CCSER1: variants seen among roughly 807,000 people sequenced by gnomAD.
CCSER1 encodes serine-rich coiled-coil domain-containing protein 1.
Under a neutral mutation model 82.0 loss-of-function variants are expected in CCSER1, and 41 were observed. The observed-to-expected ratio is 0.50, with a 90% CI of 0.39 to 0.65. The LOEUF (loss-of-function observed/expected upper bound fraction) is 0.65, where lower values mean the gene tolerates loss of function less well. CCSER1 is among the 30% of genes least tolerant of loss of function. The probability of loss-of-function intolerance (pLI) is 0.00; values close to 1 mark genes in which losing one functional copy is unlikely to be tolerated. For synonymous variants in CCSER1, 414 were observed against 383.9 expected, an observed-to-expected ratio of 1.08 and a Z score of -0.92; for missense variants, 1,119 against 1,064.2, an observed-to-expected ratio of 1.05 and a Z score of -0.72.
chr4:91,358,919 A>G (rs72880827), intron 10 of CCSER1, among the ~76,000 whole-genome samples: 49,574 of 151,880 alleles, frequency 0.33, 8,891 homozygotes, highest in African/African-American at 0.46. Context: ...TCAGCTATCC[A>G]TCAGTCACCT....
chr4:91,111,825 A>G (rs1245916058), intron 10 of CCSER1, among the ~76,000 whole-genome samples: 1 of 151,352 alleles, frequency 6.6e-6, no homozygotes, highest in Non-Finnish European at 1.5e-5. Flanking sequence ...AGAGAAAAAG[A>G]GAGAAAGAAG....
intron 10 of CCSER1, among the ~76,000 whole-genome samples, chr4:91,442,290 C>T (rs1335376763): frequency 6.6e-6 from 1 of 152,012 alleles, no homozygotes; most frequent in Admixed American, 6.6e-5. Context: ...ATCAATGGAA[C>T]AGAACAGAGC....
intron 7 of CCSER1, chr4:90,725,009 C>T (rs1418532282): frequency 2.3e-6 from 1 of 441,068 alleles, no homozygotes. Context: ...TAATGAGAGT[C>T]AAATATTTGT....
At position 91,482,955 on chromosome 4, in the gene CCSER1, G is replaced by C. The variant is rs915238041; in HGVS notation, c.2218-115617G>C. ...ACCAGGGCCTGTTGTGGGGTGGGGG[G>C]AGCGGGGAGGGATAGCATTAGGAGA... is the stretch of plus-strand genomic sequence containing the variant. On this transcript the variant is annotated intron_variant, in intron 10 of 10. Transcript: ENST00000509176. Among the ~76,000 whole-genome samples the C allele has an allele frequency of 1.6e-4, 24 of 152,114 alleles. 1 individual carries two copies. The highest frequency in any genetic ancestry group is 5.3e-4 in the African/African-American group (22 of 41,472).
At position 91,226,205 on chromosome 4, in the gene CCSER1, A is replaced by G. The variant is rs1738193388; in HGVS notation, c.2217+140211A>G. Among the ~76,000 whole-genome samples, 4 of 151,944 alleles carry G rather than the reference A, an allele frequency of 2.6e-5. No homozygotes were observed. In the South Asian group the frequency reaches 8.3e-4, roughly 31 times the overall value. ...ACTAAAAGAAGACAATGAAAGATATATTAAAGAAGTGGTCAAGGAAAAATG... is the reference window on the plus strand; with the variant it reads ...ACTAAAAGAAGACAATGAAAGATATGTTAAAGAAGTGGTCAAGGAAAAATG... On this transcript the variant is annotated intron_variant, in intron 10 of 10. Transcript: ENST00000509176.
chr4:91,343,825 G>T (rs1012338475), intron 10 of CCSER1, among the ~76,000 whole-genome samples: 2 of 152,100 alleles, frequency 1.3e-5, no homozygotes, highest in Non-Finnish European at 2.9e-5. Context: ...GTATTTATTT[G>T]TGATGACTAT....
chr4:90,511,791 G>A (rs1771562652), intron 5 of CCSER1, among the ~76,000 whole-genome samples: 1 of 151,896 alleles, frequency 6.6e-6, no homozygotes, highest in Non-Finnish European at 1.5e-5. Context: ...GATGAGAGAG[G>A]AATTTCTCAA....
intron 10 of CCSER1, among the ~76,000 whole-genome samples, chr4:91,401,319 T>A (rs1752305139): frequency 6.7e-6 from 1 of 148,430 alleles, no homozygotes; most frequent in Non-Finnish European, 1.5e-5. Flanking sequence ...AATATAGATA[T>A]ACTGTATATA....
intron 10 of CCSER1, among the ~76,000 whole-genome samples, chr4:91,119,480 C>G (rs1014514577): frequency 6.6e-6 from 1 of 151,902 alleles, no homozygotes; most frequent in African/African-American, 2.4e-5. Flanking sequence ...CTCATAACTT[C>G]TATATACTGT....
At chr4:91,448,816 A>C (rs1755715622) in intron 10 of CCSER1, among the ~76,000 whole-genome samples, 1 of 152,144 alleles carries the variant, frequency 6.6e-6, no homozygotes, top group Non-Finnish European at 1.5e-5. Context: ...CAGGGGAAAA[A>C]AATGCATGAA....
chr4:90,471,629 A>T (rs1313104009), intron 5 of CCSER1, among the ~76,000 whole-genome samples: 2 of 151,898 alleles, frequency 1.3e-5, no homozygotes, highest in Non-Finnish European at 2.9e-5. Context: ...GGTGTTACTA[A>T]TGCCCTTATG....
At chr4:90,408,437 TC>T (rs1365495720) in intron 4 of CCSER1, among the ~76,000 whole-genome samples, 1 of 152,112 alleles carries the variant, frequency 6.6e-6, no homozygotes, top group Non-Finnish European at 1.5e-5. Flanking sequence ...AGACAAAACT[TC>T]CAGAGGAACG....
At chr4:90,183,959 G>T (rs949190575) in intron 1 of CCSER1, among the ~76,000 whole-genome samples, 1 of 152,030 alleles carries the variant, frequency 6.6e-6, no homozygotes, top group Non-Finnish European at 1.5e-5. Context: ...TATGTTGCTT[G>T]TGCCCCCCTC....
chr4:90,683,649 A>G (rs530041009), intron 6 of CCSER1, among the ~76,000 whole-genome samples: 16 of 152,252 alleles, frequency 1.1e-4, no homozygotes, highest in Middle Eastern at 3.4e-3. Flanking sequence ...TTCAACAAAC[A>G]TATGTATTTA....
intron 10 of CCSER1, among the ~76,000 whole-genome samples, chr4:91,347,004 T>A (rs575109468): frequency 1.2e-4 from 16 of 134,132 alleles, no homozygotes. Flanking sequence ...ACTTATGAGT[T>A]TTTTTTTGTT....
intron 1 of CCSER1, among the ~76,000 whole-genome samples, chr4:90,271,449 G>T (rs1726258532): frequency 6.6e-6 from 1 of 152,056 alleles, no homozygotes; most frequent in Admixed American, 6.6e-5. Context: ...GCAGAAGAAT[G>T]AAACTAGACT....
intron 10 of CCSER1, among the ~76,000 whole-genome samples, chr4:91,165,478 C>T (rs777505381): frequency 4.6e-5 from 7 of 152,148 alleles, no homozygotes; most frequent in African/African-American, 4.8e-5. Context: ...CAGACAGGGA[C>T]GTTTAAGTCT....
chr4:91,215,282 A>T (rs1737151968), intron 10 of CCSER1, among the ~76,000 whole-genome samples: 1 of 152,170 alleles, frequency 6.6e-6, no homozygotes. Context: ...TTTTTCCTTG[A>T]AAAAGTCCAG....
intron 1 of CCSER1, among the ~76,000 whole-genome samples, chr4:90,199,550 A>G (rs1030647389): frequency 1.3e-5 from 2 of 151,948 alleles, no homozygotes; most frequent in Non-Finnish European, 2.9e-5. Context: ...AAAAATGTAC[A>G]TAAACCCAAC....
Sources: allele counts gnomAD v4.1 joint callset (sites outside exome capture counted in the v4.1 genomes callset), GRCh38; gene constraint gnomAD v4.1.1; transcripts MANE v1.5; gene names NCBI Gene and HGNC (gene_info 2026-07-23, HGNC 2026-07-21).